The following MEGF11 variants were observed in gnomAD, a reference collection of about 807,000 sequenced individuals.
The protein encoded by MEGF11 is multiple EGF like domains 11.
In MEGF11, 126 loss-of-function variants were observed where a neutral mutation model predicts 146.6. The ratio of observed to expected loss-of-function variants is 0.86; its 90% CI spans 0.74 to 1.00. MEGF11 has a LOEUF of 1.00. Among genes scored for constraint, MEGF11 ranks in the 50% least tolerant of loss-of-function variants. The probability of loss-of-function intolerance (pLI) is 0.00; values close to 1 mark genes in which losing one functional copy is unlikely to be tolerated. For synonymous variants in MEGF11, 532 were observed against 583.4 expected, an observed-to-expected ratio of 0.91 and a Z score of 1.27; for missense variants, 1,509 against 1,521.2, an observed-to-expected ratio of 0.99 and a Z score of 0.13.
chr15:65,946,619 C>G (rs1053650422), intron 10 of MEGF11, among the ~76,000 whole-genome samples: 2 of 152,234 alleles, frequency 1.3e-5, no homozygotes, highest in Admixed American at 6.5e-5. Context: ...TCTCGAACTC[C>G]TGAGCTCAGG....
intron 1 of MEGF11, among the ~76,000 whole-genome samples, chr15:66,171,533 G>C (rs935766435): frequency 6.6e-6 from 1 of 152,110 alleles, no homozygotes; most frequent in Non-Finnish European, 1.5e-5. Flanking sequence ...GGAATGGAGA[G>C]GTGGGAGGAG....
intron 5 of MEGF11, among the ~76,000 whole-genome samples, chr15:66,061,309 G>T (rs1247649372): frequency 1.3e-5 from 2 of 152,188 alleles, no homozygotes; most frequent in African/African-American, 4.8e-5. Context: ...GTTACTGCAG[G>T]CCGTCCCAGG....
chr15:65,982,446 C>A lies in MEGF11; in HGVS notation c.437G>T (p.Cys146Phe), dbSNP rs749371493. The change falls in exon 6 of 26, where the codon TGC becomes TTC. Residue 146 changes from cysteine to phenylalanine, a missense_variant. Cys to Phe is a radical substitution (Grantham distance 205). Transcript: ENST00000395614. The surrounding 1 kb of genome is among the most constrained non-coding windows in gnomAD (Gnocchi z 5.6). ...DHWGPHCSNR[C>F]QCQNGALCNP... Reference sequence around the variant, plus strand: ...ACACAGGGCGCCGTTCTGGCACTGGCACCGGTTGCTGCAGTGGGGCCCCCA... The same window carrying A: ...ACACAGGGCGCCGTTCTGGCACTGGAACCGGTTGCTGCAGTGGGGCCCCCA... The A allele has an allele frequency of 1.9e-5, 28 of 1,493,406 alleles. No individual in the cohort carries two copies. The highest frequency in any genetic ancestry group is 2.2e-5 in the Non-Finnish European group (25 of 1,119,676). The allele number at this position is 1,493,406 out of a possible 1,614,324, so 92.5% of individuals were successfully genotyped here.
chr15:66,078,674 C>T (rs968597856), intron 5 of MEGF11, among the ~76,000 whole-genome samples: 1 of 152,168 alleles, frequency 6.6e-6, no homozygotes, highest in Non-Finnish European at 1.5e-5. Context: ...GCAGGCTGCC[C>T]CTGGAAGTGC....
chr15:66,166,904 T>C lies in MEGF11; in HGVS notation c.-8-38493A>G, dbSNP rs113168689. Reference sequence around the variant, plus strand: ...GAATAAAGGTTTCGATTCTTACAGCTACAGGGTGGAGAACACAGCAGAGTC... The same window carrying C: ...GAATAAAGGTTTCGATTCTTACAGCCACAGGGTGGAGAACACAGCAGAGTC... On this transcript the variant is annotated intron_variant, in intron 1 of 25. Transcript: ENST00000395614. Among the ~76,000 whole-genome samples, 564 of 152,276 alleles carry C rather than the reference T, an allele frequency of 3.7e-3. 6 individuals are homozygous for C. Among genetic ancestry groups the C allele is most frequent in the African/African-American group, 0.013 (540 of 41,552 alleles).
intron 5 of MEGF11, among the ~76,000 whole-genome samples, chr15:66,093,910 C>T (rs111573059): frequency 5.5e-4 from 84 of 152,288 alleles, no homozygotes; most frequent in African/African-American, 1.9e-3. Flanking sequence ...AAGGACCTGC[C>T]CCTGCGAGTG....
At position 65,929,836 on chromosome 15, in the gene MEGF11, C is replaced by T. The variant is rs1277440660; in HGVS notation, c.1456G>A (p.Gly486Ser). Residue 486 changes from glycine to serine, a missense_variant, in exon 12 of 26, where the codon GGC becomes AGC. Gly to Ser is a moderately conservative substitution (Grantham distance 56). Transcript: ENST00000395614. ...GTGCAGCTCTCGTTGCAGTTCAGGC[C>T]CCACGTCCCACTGGGACATGGCAGG... Reference protein sequence around the residue: ...CTLPCPSGTWGLNCNESCTCA... With the variant: ...CTLPCPSGTWSLNCNESCTCA... 6.9e-6 allele frequency: 11 copies of T among 1,592,952 alleles called. No individual in the cohort carries two copies. Among genetic ancestry groups the T allele is most frequent in the Non-Finnish European group, 9.4e-6 (11 of 1,169,920 alleles).
intron 3 of MEGF11, among the ~76,000 whole-genome samples, chr15:66,121,517 T>G (rs1011743937): frequency 2.6e-5 from 4 of 152,202 alleles, no homozygotes; most frequent in African/African-American, 9.6e-5. Flanking sequence ...AGGCTGATAC[T>G]GGAGGCAAGT....
intron 4 of MEGF11, among the ~76,000 whole-genome samples, chr15:66,110,168 C>T (rs914338937): frequency 6.6e-5 from 10 of 152,280 alleles, no homozygotes; most frequent in African/African-American, 2.4e-4. Flanking sequence ...CCAGACAGAC[C>T]ACCAGGCATT....
intron 4 of MEGF11, among the ~76,000 whole-genome samples, chr15:66,109,096 C>T (rs957496586): frequency 2.0e-5 from 3 of 152,190 alleles, no homozygotes; most frequent in African/African-American, 7.2e-5. Context: ...GAGGAAAGTC[C>T]TGCCAGAGAA....
Position 66,218,986 on chromosome 15 carries a change from A to AAAAAAAAAAC in MEGF11, c.-9+34618_-9+34619insGTTTTTTTTT, listed in dbSNP as rs1314090595. Among the ~76,000 whole-genome samples the AAAAAAAAAAC allele has an allele frequency of 2.5e-4, 38 of 151,206 alleles. 3 individuals carry two copies. Among genetic ancestry groups the AAAAAAAAAAC allele is most frequent in the Middle Eastern group, 6.8e-3 (2 of 292 alleles). On this transcript the variant is annotated intron_variant, in intron 1 of 25. Transcript: ENST00000395614. ...CAACTGGATATCCACAGGCAAAAAA[A>AAAAAAAAAAC]AAAAAAAAAACCTTAACCTAAACCT...
chr15:65,935,315 G>A (rs1388449424), intron 10 of MEGF11, among the ~76,000 whole-genome samples: 1 of 99,142 alleles, frequency 1.0e-5, no homozygotes, highest in Non-Finnish European at 1.8e-5. Context: ...GCGAGACTCC[G>A]TCTCAAGAAA....
intron 13 of MEGF11, among the ~76,000 whole-genome samples, chr15:65,925,922 T>C (rs1246033873): frequency 1.3e-5 from 2 of 152,206 alleles, no homozygotes; most frequent in Non-Finnish European, 2.9e-5. Flanking sequence ...TACCTGTTAC[T>C]TGAAAGCTTC....
Position 65,906,228 on chromosome 15 carries a change from C to T in MEGF11, c.2999-87G>A, listed in dbSNP as rs527930979. ...TGTTCTTCTTTCTTTTCTTGCTTTT[C>T]CCCCCCCTTCTCCCCTACCCAGAAA... On this transcript the variant is annotated intron_variant, in intron 23 of 25. Transcript: ENST00000395614. 159 of 877,758 alleles carry T rather than the reference C, an allele frequency of 1.8e-4. 1 individual carries two copies. The African/African-American group carries it at 2.1e-3, about 11-fold the overall frequency. 54.4% of individuals were successfully genotyped at this position (877,758 alleles called of 1,614,324 possible). A position where few individuals can be genotyped will look rare whatever the true frequency, so the allele number is the denominator to read the frequency against.
At chr15:66,136,008 TCCTC>T (rs753985346) in intron 1 of MEGF11, among the ~76,000 whole-genome samples, 4 of 152,132 alleles carry the variant, frequency 2.6e-5, no homozygotes, top group Non-Finnish European at 5.9e-5. Flanking sequence ...CCTCATCTTC[TCCTC>T]CCTCTTCACC....
chr15:66,103,087 A>G (rs2086894321), intron 4 of MEGF11, among the ~76,000 whole-genome samples: 1 of 152,236 alleles, frequency 6.6e-6, no homozygotes, highest in African/African-American at 2.4e-5. Flanking sequence ...GTTCCATCCC[A>G]GCAGCAAATG....
intron 25 of MEGF11, chr15:65,898,342 A>G (rs905572371): frequency 3.0e-6 from 3 of 985,318 alleles, no homozygotes; most frequent in African/African-American, 1.7e-5. Flanking sequence ...CTTACCAGTG[A>G]GCCCAGGGAC....
intron 1 of MEGF11, among the ~76,000 whole-genome samples, chr15:66,228,626 G>C (rs1013898053): frequency 1.3e-5 from 2 of 152,102 alleles, no homozygotes; most frequent in African/African-American, 2.4e-5. Flanking sequence ...ATCCCCACAC[G>C]ACAGAACCAT....
intron 5 of MEGF11, among the ~76,000 whole-genome samples, chr15:66,030,997 C>T (rs2083495058): frequency 6.6e-6 from 1 of 152,136 alleles, no homozygotes; most frequent in South Asian, 2.1e-4. Flanking sequence ...TGCACTTGCC[C>T]ATTCTGTACC....
Sources: allele counts gnomAD v4.1 joint callset (sites outside exome capture counted in the v4.1 genomes callset), GRCh38; gene constraint gnomAD v4.1.1; non-coding constraint Gnocchi (gnomAD v3.1); transcripts MANE v1.5; gene names NCBI Gene and HGNC (gene_info 2026-07-23, HGNC 2026-07-21).